TENM2: variants seen among roughly 807,000 people sequenced by gnomAD.
TENM2 encodes the protein teneurin-2.
A neutral mutation model predicts 245.2 loss-of-function variants in TENM2; 52 were observed. The observed-to-expected ratio is 0.21, with a 90% CI of 0.17 to 0.27. The LOEUF is 0.27. Among genes scored for constraint, TENM2 ranks in the 10% least tolerant of loss-of-function variants. The pLI is 1.00. For missense variants in TENM2, 3,046 were observed against 3,666.8 expected (o/e 0.83, Z 4.37); for synonymous variants, 1,363 against 1,438.9 (o/e 0.95, Z 1.19).
At chr5:166,979,203 G>GCACCACCAC in the TENM2 span, among the ~76,000 whole-genome samples, 1 of 111,454 alleles carries the variant, frequency 9.0e-6, no homozygotes, top group South Asian at 2.6e-4. Context: ...ACCAGCAGCA[G>GCACCACCAC]CAGCAGCAGC....
At chr5:167,060,304 C>G in the TENM2 span, among the ~76,000 whole-genome samples, 2 of 151,994 alleles carry the variant, frequency 1.3e-5, no homozygotes, top group Non-Finnish European at 2.9e-5. Context: ...AATTACAATA[C>G]AAATACAAAT....
At chr5:167,768,290 A>G (rs181350073) in intron 2 of TENM2, among the ~76,000 whole-genome samples, 3 of 152,346 alleles carry the variant, frequency 2.0e-5, no homozygotes, top group African/African-American at 4.8e-5. Context: ...TATAGAAACA[A>G]GCAATGGGAA....
the TENM2 span, among the ~76,000 whole-genome samples, chr5:166,982,793 G>C: frequency 6.4e-4 from 94 of 147,912 alleles, 1 homozygote; most frequent in Admixed American, 3.8e-3. Context: ...GTTTTTTTTG[G>C]GGGGGGGAGG....
chr5:167,327,521 C>T (rs574050826), intron 1 of TENM2, among the ~76,000 whole-genome samples: 1 of 152,204 alleles, frequency 6.6e-6, no homozygotes, highest in South Asian at 2.1e-4. Context: ...CATAGACACC[C>T]AGTAAATACC....
At chr5:167,929,121 GAAAGAAAGAAAAGAA>G (rs1778073689) in intron 3 of TENM2, among the ~76,000 whole-genome samples, 1 of 73,842 alleles carries the variant, frequency 1.4e-5, no homozygotes, top group African/African-American at 5.1e-5. Flanking sequence ...AAGAAAGAAA[GAAAGAAAGAAAAGAA>G]AGAAGGGAGG....
intron 23 of TENM2, among the ~76,000 whole-genome samples, chr5:168,223,825 C>T (rs753232565): frequency 6.6e-6 from 1 of 151,830 alleles, no homozygotes; most frequent in South Asian, 2.1e-4. Context: ...GAAGATTCGT[C>T]AAAATTCCAT....
At chr5:167,320,754 A>T (rs1472077117) in intron 1 of TENM2, among the ~76,000 whole-genome samples, 2 of 152,126 alleles carry the variant, frequency 1.3e-5, no homozygotes, top group African/African-American at 2.4e-5. Context: ...TTAAAATTGG[A>T]CTTTCCAGCC....
chr5:167,810,345 C>T (rs1002635169), intron 2 of TENM2, among the ~76,000 whole-genome samples: 40 of 152,010 alleles, frequency 2.6e-4, no homozygotes, highest in African/African-American at 8.9e-4. Context: ...GCAGAAGTTT[C>T]CAGTGTAACT....
chr5:168,236,339 C>A (rs1242429167), intron 25 of TENM2, among the ~76,000 whole-genome samples: 1 of 152,184 alleles, frequency 6.6e-6, no homozygotes, highest in South Asian at 2.1e-4. Flanking sequence ...ACATCCCTAC[C>A]AATGGACCAC....
At position 167,431,970 on chromosome 5, in the gene TENM2, T is replaced by TGTGTGTATATATATATATATAC. The variant is rs1554150945; in HGVS notation, c.502+56497_502+56498insGTGTGTATATATATATATATAC. Among the ~76,000 whole-genome samples the TGTGTGTATATATATATATATAC allele has an allele frequency of 9.1e-4, 123 of 135,530 alleles. 1 individual carries two copies. The highest frequency in any genetic ancestry group is 1.7e-3 in the Admixed American group (22 of 13,320). 88.9% of individuals were successfully genotyped at this position (135,530 alleles called of 152,430 possible). ...ATATGTATATATATATGTATATATA[T>TGTGTGTATATATATATATATAC]ATATATATGGAAGTTCAATGCTTTC... On this transcript the variant is annotated intron_variant, in intron 2 of 28. Coordinates refer to ENST00000518659, the Ensembl canonical transcript of TENM2.
At chr5:167,316,734 A>G (rs75247309) in intron 1 of TENM2, among the ~76,000 whole-genome samples, 1,832 of 152,316 alleles carry the variant, frequency 0.012, 39 homozygotes, top group African/African-American at 0.041. Context: ...ATGTCGACCA[A>G]TATTTTTCTG....
chr5:167,740,974 T>C (rs1761139808), intron 2 of TENM2, among the ~76,000 whole-genome samples: 1 of 152,164 alleles, frequency 6.6e-6, no homozygotes, highest in Non-Finnish European at 1.5e-5. Context: ...CTGTCAACCC[T>C]GCAGATGTGC....
At chr5:168,035,444 C>T (rs2151976083) in intron 5 of TENM2, among the ~76,000 whole-genome samples, 1 of 147,084 alleles carries the variant, frequency 6.8e-6, no homozygotes, top group Admixed American at 6.9e-5. Flanking sequence ...TTGCAGTGAA[C>T]TGAGATAGAG....
chr5:167,862,241 ATGTGTGTGTG>A (rs138403142), intron 2 of TENM2, among the ~76,000 whole-genome samples: 1 of 148,430 alleles, frequency 6.7e-6, no homozygotes, highest in Admixed American at 6.7e-5. Context: ...AATTTAGAGT[ATGTGTGTGTG>A]TGTGTGTGTG....
intron 9 of TENM2, among the ~76,000 whole-genome samples, chr5:168,108,055 G>C (rs1194700955): frequency 6.6e-6 from 1 of 152,202 alleles, no homozygotes; most frequent in Non-Finnish European, 1.5e-5. Flanking sequence ...CTTGAATAGA[G>C]GAAGCAAGGC....
At chr5:167,083,407 A>G in the TENM2 span, among the ~76,000 whole-genome samples, 1 of 152,190 alleles carries the variant, frequency 6.6e-6, no homozygotes, top group African/African-American at 2.4e-5. Context: ...TAGGTGATCA[A>G]TAAATAGTTT....
chr5:168,199,067 T>C, exon 16 of TENM2: 1 of 1,613,926 alleles, frequency 6.2e-7, no homozygotes, highest in South Asian at 1.1e-5. Context: ...ACTGTCCACC[T>C]TCTTTAGTGC....
At position 168,156,266 on chromosome 5, in the gene TENM2, A is replaced by AAAAAAC. The variant is rs1554210115; in HGVS notation, c.2423-6345_2423-6344insAAAAAC. Among the ~76,000 whole-genome samples the AAAAAAC allele has an allele frequency of 4.0e-3, 598 of 148,406 alleles. 9 individuals are homozygous for AAAAAAC. Among genetic ancestry groups the AAAAAAC allele is most frequent in the African/African-American group, 0.013 (531 of 39,970 alleles). On this transcript the variant is annotated intron_variant, in intron 12 of 28. Coordinates refer to ENST00000518659, the Ensembl canonical transcript of TENM2. The stretch of plus-strand genomic sequence containing the variant: ...CATAGTTAAAAAAAAAAAAAAAAAA[A>AAAAAAC]CACTTTTTTTTTTTCACCTCAGTTT...
At chr5:167,389,526 C>T (rs1211166850) in intron 2 of TENM2, among the ~76,000 whole-genome samples, 1 of 152,054 alleles carries the variant, frequency 6.6e-6, no homozygotes, top group African/African-American at 2.4e-5. Context: ...ACATAGTACT[C>T]CTTTAATGTA....
Sources: allele counts gnomAD v4.1 joint callset (sites outside exome capture counted in the v4.1 genomes callset), GRCh38; gene constraint gnomAD v4.1.1; transcripts MANE v1.5; gene names NCBI Gene and HGNC (gene_info 2026-07-23, HGNC 2026-07-21).